The following NPM1 variants were observed in gnomAD, a reference collection of about 807,000 sequenced individuals.
The protein encoded by NPM1 is nucleophosmin.
Under a neutral mutation model 44.1 loss-of-function variants are expected in NPM1, and 1 was observed. That is an observed-to-expected ratio of 0.02 (90% CI 0.01 to 0.11). NPM1 has a LOEUF of 0.11. Ranked by LOEUF, NPM1 falls within the 10% of genes least tolerant of loss-of-function variation. NPM1 has a pLI of 1.00. For synonymous variants in NPM1, 126 were observed against 111.8 expected (o/e 1.13, Z -0.80); for missense variants, 197 against 347.8 (o/e 0.57, Z 3.45).
intron 4 of NPM1, 97 bp from the exon 5 acceptor site, chr5:171,392,613 A>G (rs1770636931): frequency 3.1e-6 from 2 of 645,704 alleles, no homozygotes; most frequent in Non-Finnish European, 4.9e-6. Context: ...TAAATAGAAT[A>G]GAAGTCTCAG....
At chr5:171,388,362 G>T (rs1314103096) in intron 1 of NPM1, among the ~76,000 whole-genome samples, 1 of 152,164 alleles carries the variant, frequency 6.6e-6, no homozygotes, top group African/African-American at 2.4e-5. Context: ...TGGTTCATAG[G>T]CTTCTGATGC....
intron 4 of NPM1, 41 bp from the exon 5 acceptor site, chr5:171,392,669 T>TG: frequency 7.3e-7 from 1 of 1,365,008 alleles, no homozygotes; most frequent in Non-Finnish European, 1.0e-6. Context: ...TCTGACTTCT[T>TG]GCTGCTTGAG....
intron 10 of NPM1, among the ~76,000 whole-genome samples, chr5:171,408,650 C>T (rs78143333): frequency 0.028 from 4,258 of 152,208 alleles, 148 homozygotes; most frequent in Admixed American, 0.1. Flanking sequence ...TCTTTGGTTG[C>T]TGTTCTGTTT....
At position 171,391,367 on chromosome 5, in the gene NPM1, C is replaced by T. The variant is rs200294440; in HGVS notation, c.201C>T (p.Tyr67=). The T allele has an allele frequency of 3.8e-5, 62 of 1,612,156 alleles. No homozygotes were observed. The highest frequency in any genetic ancestry group is 1.6e-4 in the Middle Eastern group (1 of 6,082). The change falls in exon 3 of 11, where the codon TAC becomes TAT. Residue 67 remains tyrosine, a synonymous_variant. Coordinates refer to ENST00000296930, the MANE Select transcript of NPM1 (RefSeq NM_002520.7). The part of the protein sequence containing the change: ...LHIVEAEAMN[Y]EGSPIKVTLA... ...TTGTTGAAGCAGAGGCAATGAATTA[C>T]GAAGGCAGTCCAATTAAAGTAACAC...
rs533717963 is a variant in NPM1 at position 171,388,935 on chromosome 5, G to C, written c.58+929G>C. ...CGCTTGACTCCGTAGCTGCTGCTTC[G>C]TGAATATTAATGAGGCTTCGTTTTA... is the stretch of plus-strand genomic sequence containing the variant. On this transcript the variant is annotated intron_variant, in intron 1 of 10. Transcript: ENST00000296930. Among the ~76,000 whole-genome samples the C allele has an allele frequency of 6.6e-5, 10 of 152,310 alleles. No individual in the cohort carries two copies. In the South Asian group the frequency reaches 2.1e-3, roughly 32 times the overall value.
intron 1 of NPM1, among the ~76,000 whole-genome samples, chr5:171,388,800 A>C (rs1439360771): frequency 6.6e-6 from 1 of 152,240 alleles, no homozygotes; most frequent in Admixed American, 6.5e-5. Context: ...TCACTGCGGT[A>C]GGTGGAGCTA....
At chr5:171,403,811 C>A (rs1309637656) in intron 8 of NPM1, among the ~76,000 whole-genome samples, 26 of 84,592 alleles carry the variant, frequency 3.1e-4, no homozygotes, top group African/African-American at 1.3e-3. Context: ...TAGGGGCGGC[C>A]GGGCAGAGGC....
At chr5:171,402,952 C>CTTTTGTT (rs1771295148) in intron 8 of NPM1, among the ~76,000 whole-genome samples, 1 of 91,866 alleles carries the variant, frequency 1.1e-5, no homozygotes, top group Non-Finnish European at 2.3e-5. Context: ...TCAGGTAGTT[C>CTTTTGTT]TTTTTTTTTT....
At chr5:171,402,983 TTA>T in intron 8 of NPM1, among the ~76,000 whole-genome samples, 4 of 143,982 alleles carry the variant, frequency 2.8e-5, no homozygotes, top group South Asian at 2.2e-4. Flanking sequence ...ATTTATTTAT[TTA>T]TTTATTTTTT....
In NPM1 at chr5:171,400,197, C is replaced by T. The variant is rs1439477104; in HGVS notation, c.569C>T (p.Ala190Val). Residue 190 changes from alanine (A) to valine (V), a missense_variant, in exon 7 of 11, where the codon GCG becomes GTG. By Grantham distance (64) the Ala-to-Val change is moderately conservative. Transcript: ENST00000296930. ...GATGATGAGGAAGCTGAAGAAAAAG[C>T]GCCAGTGAAGAAAGTGAGTAGATAC... Reference protein sequence around the residue: ...DFDDEEAEEKAPVKKSIRDTP... With the variant: ...DFDDEEAEEKVPVKKSIRDTP... 8 of 1,612,734 alleles carry T rather than the reference C, an allele frequency of 5.0e-6. No homozygotes were observed. The highest frequency in any genetic ancestry group is 5.9e-6 in the Non-Finnish European group (7 of 1,179,132).
chr5:171,388,070 AG>A, intron 1 of NPM1, 64 bp downstream of exon 1: 2 of 531,790 alleles, frequency 3.8e-6, no homozygotes, highest in Non-Finnish European at 7.5e-6. Context: ...GGTGGGGGTG[AG>A]GGGCGGGAAT....
At chr5:171,394,024 G>C (rs970354319) in intron 6 of NPM1, among the ~76,000 whole-genome samples, 2 of 147,680 alleles carry the variant, frequency 1.4e-5, no homozygotes, top group Non-Finnish European at 3.0e-5. Flanking sequence ...GTATTTGACT[G>C]TTGCTGTTTT....
chr5:171,401,043 T>C, intron 8 of NPM1, 118 bp downstream of exon 8: 1 of 704,012 alleles, frequency 1.4e-6, no homozygotes, highest in East Asian at 2.7e-5. Context: ...CTGTAATTGC[T>C]GTTTAAAAGT....
Position 171,400,194 on chromosome 5 carries a change from A to G in NPM1, c.566A>G (p.Lys189Arg), listed in dbSNP as rs1771119701. ...DDFDDEEAEE[K>R]APVKKSIRDT... Reference sequence around the variant, plus strand: ...TTTGATGATGAGGAAGCTGAAGAAAAAGCGCCAGTGAAGAAAGTGAGTAGA... The same window carrying G: ...TTTGATGATGAGGAAGCTGAAGAAAGAGCGCCAGTGAAGAAAGTGAGTAGA... Residue 189 changes from lysine (K) to arginine (R), a missense_variant, in exon 7 of 11, where the codon AAA becomes AGA. Lys to Arg is a conservative substitution (Grantham distance 26, BLOSUM62 2). Around this residue, in one of 5 missense-constraint regions of NPM1, gnomAD observed 91 missense variants for 94.0 expected, o/e 0.97. Coordinates refer to ENST00000296930, the MANE Select transcript of NPM1 (RefSeq NM_002520.7). 1.9e-6 allele frequency: 3 copies of G among 1,613,244 alleles called. No individual in the cohort carries two copies. Among genetic ancestry groups the G allele is most frequent in the South Asian group, 2.2e-5 (2 of 91,068 alleles).
chr5:171,387,530 G>C (rs985106375), upstream of NPM1: 1 of 212,488 alleles, frequency 4.7e-6, no homozygotes, highest in Non-Finnish European at 9.5e-6. Context: ...CTTGGCGGGA[G>C]GCCGGCGCGC....
intron 6 of NPM1, among the ~76,000 whole-genome samples, chr5:171,396,448 A>G (rs1351894365): frequency 6.6e-6 from 1 of 152,256 alleles, no homozygotes. Flanking sequence ...TGTACTGACA[A>G]AATCACTGTT....
At chr5:171,390,159 A>C in intron 2 of NPM1, 29 bp downstream of exon 2, 1 of 1,276,714 alleles carries the variant, frequency 7.8e-7, no homozygotes, top group South Asian at 1.4e-5. Flanking sequence ...TAAACTACTT[A>C]ACCCTACTTG....
Position 171,410,522 on chromosome 5 carries a change from T to TTC in NPM1, c.847-5_847-4insTC, listed in dbSNP as rs1561878441. The stretch of plus-strand genomic sequence containing the variant: ...TTAACCACATTTCTTTTTTTTTTTT[T>TTC]CCAGGCTATTCAAGATCTCTGGCAG... On this transcript the variant is annotated splice_polypyrimidine_tract_variant and splice_region_variant and intron_variant, in intron 10 of 10. Coordinates refer to ENST00000296930, the MANE Select transcript of NPM1 (RefSeq NM_002520.7). 10 of 1,544,480 alleles carry TTC rather than the reference T, an allele frequency of 6.5e-6. No homozygotes were observed. The African/African-American group carries it at 9.8e-5, about 15-fold the overall frequency.
At chr5:171,403,942 C>T (rs1452819760) in intron 8 of NPM1, among the ~76,000 whole-genome samples, 2 of 75,400 alleles carry the variant, frequency 2.7e-5, no homozygotes, top group African/African-American at 5.2e-5. Context: ...CCGGACGGGG[C>T]GGCTGGCCGG....
Sources: allele counts gnomAD v4.1 joint callset (sites outside exome capture counted in the v4.1 genomes callset), GRCh38; gene constraint gnomAD v4.1.1; regional missense constraint gnomAD v4.1.1; transcripts MANE v1.5; gene names NCBI Gene and HGNC (gene_info 2026-07-23, HGNC 2026-07-21).